The following ZNF687 variants were observed in gnomAD, a reference collection of about 807,000 sequenced individuals.
ZNF687 encodes zinc finger protein 687.
In ZNF687, 13 loss-of-function variants were observed where a neutral mutation model predicts 71.8. That is an observed-to-expected ratio of 0.18 (90% CI 0.12 to 0.29). The LOEUF is 0.29. ZNF687 is among the 10% of genes least tolerant of loss of function. The pLI is 1.00. For synonymous variants in ZNF687, 673 were observed against 641.6 expected, an observed-to-expected ratio of 1.05 and a Z score of -0.74; for missense variants, 1,412 against 1,625.6, an observed-to-expected ratio of 0.87 and a Z score of 2.26.
upstream of ZNF687, chr1:151,281,977 T>A (rs587693030): frequency 3.6e-5 from 44 of 1,212,300 alleles, no homozygotes; most frequent in African/African-American, 6.8e-4. Context: ...GTAGGCAAGC[T>A]GGGAAGCAGG....
intron 8 of ZNF687, 31 bp from the exon 9 acceptor site, chr1:151,290,684 G>A (rs1178449379): frequency 1.3e-6 from 2 of 1,582,520 alleles, no homozygotes; most frequent in African/African-American, 1.4e-5. Context: ...AGGGGTGGTG[G>A]TAAGGCCCAG....
chr1:151,284,970 C>T lies in ZNF687; in HGVS notation c.-17-1305C>T, dbSNP rs1693881652. On this transcript the variant is annotated intron_variant, in intron 1 of 8. Coordinates refer to ENST00000336715, the MANE Select transcript of ZNF687 (RefSeq NM_020832.3). ...GGACTACAGGCACGTGCCATCATGC[C>T]TGGGGAGTTTCACCATGTTGCCCAG... is the stretch of plus-strand genomic sequence containing the variant. Among the ~76,000 whole-genome samples, 3 of 151,906 alleles carry T rather than the reference C, an allele frequency of 2.0e-5. No homozygotes were observed. In the South Asian group the frequency reaches 6.2e-4, roughly 32 times the overall value.
Position 151,289,650 on chromosome 1 carries a change from C to G in ZNF687, c.2635-28C>G, listed in dbSNP as rs773529408. The G allele has an allele frequency of 2.5e-6, 4 of 1,590,134 alleles. No homozygotes were observed. The East Asian group carries it at 9.1e-5, about 36-fold the overall frequency. The stretch of plus-strand genomic sequence containing the variant: ...GGCATAGCCAGGCCCTCCCCCACAA[C>G]AGCAACCTCCCTTGTCTCCTCTCAC... On this transcript the variant is annotated intron_variant, in intron 5 of 8. Coordinates refer to ENST00000336715, the MANE Select transcript of ZNF687 (RefSeq NM_020832.3).
At chr1:151,288,777 C>A in intron 3 of ZNF687, 71 bp downstream of exon 3, 1 of 1,490,476 alleles carries the variant, frequency 6.7e-7, no homozygotes, top group Admixed American at 2.0e-5. Flanking sequence ...GATGGCCTTT[C>A]AAGATCCCCT....
At position 151,286,273 on chromosome 1, in the gene ZNF687, AG is replaced by A; in HGVS notation, c.-17del. The A allele has an allele frequency of 6.6e-7, 1 of 1,521,058 alleles. No individual in the cohort carries two copies. Among genetic ancestry groups the A allele is most frequent in the Non-Finnish European group, 8.8e-7 (1 of 1,135,984 alleles). The allele number at this position is 1,521,058 out of a possible 1,614,324, so 94.2% of individuals were successfully genotyped here. ...TCTCCTCCTCGTTCCTGTTTTCATCAGGTCTGGGATCTGCCGATATGGGGGA... is the reference window on the plus strand; with the variant it reads ...TCTCCTCCTCGTTCCTGTTTTCATCAGTCTGGGATCTGCCGATATGGGGGA... On this transcript the variant is annotated splice_acceptor_variant, in intron 1 of 8. Transcript: ENST00000336715. LOFTEE classifies it low-confidence loss of function (5UTR_SPLICE).
chr1:151,290,318 C>G, intron 7 of ZNF687, 84 bp downstream of exon 7: 6 of 1,608,286 alleles, frequency 3.7e-6, no homozygotes, highest in Non-Finnish European at 5.1e-6. Flanking sequence ...TGCGACGTGT[C>G]TAAGTGGCCT....
At chr1:151,283,050 C>T (rs1462981161) in intron 1 of ZNF687, 1 of 951,288 alleles carries the variant, frequency 1.1e-6, no homozygotes, top group Admixed American at 6.2e-5. Context: ...AGGTGCTGCG[C>T]AGCAGCTCCC....
chr1:151,288,441 G>T, intron 2 of ZNF687, 35 bp downstream of exon 2: 1 of 1,589,438 alleles, frequency 6.3e-7, no homozygotes, highest in Non-Finnish European at 8.6e-7. Context: ...TGTGGGGACA[G>T]GATCTAGGAA....
Position 151,289,832 on chromosome 1 carries a change from A to G in ZNF687, c.2789A>G (p.Glu930Gly). ...TCGTCTTCATCTTCAGAAGAGGAGG[A>G]AGTACCCAGCTCCCCTGAGCCCCCC... ...EESSSSSEEE[E>G]VPSSPEPPRP... Residue 930 changes from glutamate (E) to glycine (G), a missense_variant, in exon 6 of 9, where the codon GAA becomes GGA. Coordinates refer to ENST00000336715, the MANE Select transcript of ZNF687 (RefSeq NM_020832.3). The G allele has an allele frequency of 6.4e-7, 1 of 1,569,592 alleles. No homozygotes were observed.
chr1:151,286,481 G>A lies in ZNF687; in HGVS notation c.190G>A (p.Gly64Arg), dbSNP rs1366427571. The stretch of plus-strand genomic sequence containing the variant: ...AGCAGCCTCTGCTGGGGATGGCCCT[G>A]GAGTTCCAGCCCAGGCCTCTGACCA... ...TAAASAGDGP[G>R]VPAQASDHGL... is the part of the protein sequence containing the mutation. The change falls in exon 2 of 9, where the codon GGA becomes AGA. Residue 64 changes from glycine to arginine, a missense_variant. By Grantham distance (125) the Gly-to-Arg change is moderately radical. Around this residue, in one of 8 missense-constraint regions of ZNF687, gnomAD observed 490 missense variants for 489.9 expected, o/e 1.00. Coordinates refer to ENST00000336715, the MANE Select transcript of ZNF687 (RefSeq NM_020832.3). The A allele has an allele frequency of 6.2e-7, 1 of 1,614,070 alleles. No individual in the cohort carries two copies. The highest frequency in any genetic ancestry group is 8.5e-7 in the Non-Finnish European group (1 of 1,179,942).
At chr1:151,282,049 A>G (rs1229911217), upstream of ZNF687, 2 of 1,283,726 alleles carry the variant, frequency 1.6e-6, no homozygotes, top group South Asian at 1.2e-5. Context: ...TAGATGGGGC[A>G]GACGGACCCC....
At chr1:151,288,498 C>T (rs1277028810) in intron 2 of ZNF687, 30 bp from the exon 3 acceptor site, 1 of 1,582,114 alleles carries the variant, frequency 6.3e-7, no homozygotes, top group South Asian at 1.2e-5. Context: ...ACACTCCTCA[C>T]CGACTTTCCT....
chr1:151,289,656 C>A lies in ZNF687; in HGVS notation c.2635-22C>A, dbSNP rs770868899. The A allele has an allele frequency of 1.9e-6, 3 of 1,586,246 alleles. No homozygotes were observed. The East Asian group carries it at 6.9e-5, about 36-fold the overall frequency. On this transcript the variant is annotated intron_variant, in intron 5 of 8. Transcript: ENST00000336715. Reference sequence around the variant, plus strand: ...GCCAGGCCCTCCCCCACAACAGCAACCTCCCTTGTCTCCTCTCACAGAACA... The same window carrying A: ...GCCAGGCCCTCCCCCACAACAGCAAACTCCCTTGTCTCCTCTCACAGAACA...
rs376423165 is a variant in ZNF687 at position 151,286,685 on chromosome 1, C to G, written c.394C>G (p.Pro132Ala). ...GCAGAATGGTTTTGGGAGCCCTGAA[C>G]CTTCCCTCCCAGGAACTCCCCACTC... ...RMQNGFGSPE[P>A]SLPGTPHSPA... Residue 132 changes from proline (P) to alanine (A), a missense_variant, in exon 2 of 9, where the codon CCT becomes GCT. Physicochemically the swap from Pro to Ala is conservative, Grantham distance 27. This residue lies in a region of ZNF687 where 490 missense variants were observed against 489.9 expected (regional missense o/e 1.00). Transcript: ENST00000336715. The G allele has an allele frequency of 3.7e-6, 6 of 1,614,082 alleles. No individual in the cohort carries two copies. The African/African-American group carries it at 8.0e-5, about 22-fold the overall frequency.
chr1:151,282,295 A>G, upstream of ZNF687: 1 of 1,002,306 alleles, frequency 1.0e-6, no homozygotes, highest in Non-Finnish European at 1.2e-6. Flanking sequence ...AACCGGAGAG[A>G]AGCAGGAAGT....
In ZNF687 at chr1:151,288,662, T is replaced by C; in HGVS notation, c.2250T>C (p.His750=). 1.2e-6 allele frequency: 2 copies of C among 1,614,004 alleles called. No homozygotes were observed. Among genetic ancestry groups the C allele is most frequent in the Non-Finnish European group, 1.7e-6 (2 of 1,179,968 alleles). ...TCCTGCAAGCCAATTTTCAGACCCA[T>C]CTCCGGGAGGCCTGTCTGCACGTCT... ...GNFLQANFQT[H]LREACLHVSR... Residue 750 remains histidine (H), a synonymous_variant, in exon 3 of 9, where the codon CAT becomes CAC. Coordinates refer to ENST00000336715, the MANE Select transcript of ZNF687 (RefSeq NM_020832.3).
Position 151,288,217 on chromosome 1 carries a change from C to G in ZNF687, c.1926C>G (p.Ser642=). The G allele has an allele frequency of 1.2e-6, 2 of 1,613,822 alleles. No homozygotes were observed. The highest frequency in any genetic ancestry group is 1.7e-6 in the Non-Finnish European group (2 of 1,180,026). ...GCAAGGGTGAGGGGGCCATCACCTCCTCTGCCATTACTACAGTTGCTGCTG... is the reference window on the plus strand; with the variant it reads ...GCAAGGGTGAGGGGGCCATCACCTCGTCTGCCATTACTACAGTTGCTGCTG... ...ALGKGEGAIT[S]SAITTVAAEA... is the part of the protein sequence containing the mutation. The change falls in exon 2 of 9, where the codon TCC becomes TCG. Residue 642 remains serine (S), a synonymous_variant. Transcript: ENST00000336715.
chr1:151,290,355 G>A, intron 7 of ZNF687, 77 bp from the exon 8 acceptor site: 2 of 1,611,980 alleles, frequency 1.2e-6, no homozygotes, highest in Non-Finnish European at 1.7e-6. Flanking sequence ...CTCTGCTCTG[G>A]CAGCCCCCTC....
chr1:151,282,539 C>T (rs1693759836), intron 1 of ZNF687, 144 bp downstream of exon 1: 1 of 478,802 alleles, frequency 2.1e-6, no homozygotes, highest in South Asian at 8.5e-5. Flanking sequence ...GCCCAGACAC[C>T]GCCTCCATCC....
Sources: allele counts gnomAD v4.1 joint callset (sites outside exome capture counted in the v4.1 genomes callset), GRCh38; gene constraint gnomAD v4.1.1; regional missense constraint gnomAD v4.1.1; transcripts MANE v1.5; gene names NCBI Gene and HGNC (gene_info 2026-07-23, HGNC 2026-07-21).